The following PRC1 variants were observed in gnomAD, a reference collection of about 807,000 sequenced individuals.
PRC1 encodes anaphase spindle elongation 1 homolog.
PRC1 carries 54 observed loss-of-function variants against 91.2 expected under a neutral mutation model. The ratio of observed to expected loss-of-function variants is 0.59; its 90% confidence interval spans 0.48 to 0.74. The LOEUF (loss-of-function observed/expected upper bound fraction) is 0.74, where lower values mean the gene tolerates loss of function less well. PRC1 is among the 30% of genes least tolerant of loss of function. The probability of loss-of-function intolerance (pLI) is 0.00; values close to 1 mark genes in which losing one functional copy is unlikely to be tolerated. For synonymous variants in PRC1, 275 were observed against 263.6 expected, an observed-to-expected ratio of 1.04 and a Z score of -0.42; for missense variants, 727 against 746.2, an observed-to-expected ratio of 0.97 and a Z score of 0.30.
chr15:90,969,777 T>C (rs1287412055), intron 12 of PRC1, among the ~76,000 whole-genome samples, 154 bp from the exon 13 acceptor site: 2 of 47,538 alleles, frequency 4.2e-5, no homozygotes, highest in Admixed American at 3.8e-4. Flanking sequence ...TATATATATA[T>C]ATATATATAT....
intron 11 of PRC1, among the ~76,000 whole-genome samples, chr15:90,973,532 A>G (rs2038369573): frequency 6.6e-6 from 1 of 152,006 alleles, no homozygotes; most frequent in Non-Finnish European, 1.5e-5. Context: ...GTCTGTGCTC[A>G]GGAGGATTCG....
At position 90,980,857 on chromosome 15, in the gene PRC1, T is replaced by C. The variant is rs372796823; in HGVS notation, c.822+27A>G. The stretch of plus-strand genomic sequence containing the variant: ...CACAGAAGTGCTAAGAGAAGACTGC[T>C]GACCCAGTACCCACTGGGTTTCTTA... On this transcript the variant is annotated intron_variant, in intron 6 of 14. Coordinates refer to ENST00000394249, the MANE Select transcript of PRC1 (RefSeq NM_003981.4). 7.4e-6 allele frequency: 12 copies of C among 1,613,936 alleles called. No individual in the cohort carries two copies. The African/African-American group carries it at 1.6e-4, about 22-fold the overall frequency.
At chr15:90,973,938 C>G (rs560904751) in intron 11 of PRC1, 198 bp downstream of exon 11, 2 of 533,802 alleles carry the variant, frequency 3.7e-6, no homozygotes, top group East Asian at 6.5e-5. Flanking sequence ...GGTGCAGGTC[C>G]TCTGTATGCT....
chr15:90,971,905 G>A (rs113762358), intron 11 of PRC1, among the ~76,000 whole-genome samples: 3,901 of 152,222 alleles, frequency 0.026, 164 homozygotes, highest in African/African-American at 0.086. Context: ...GCGCGGGCCT[G>A]TAGTCCCAGC....
At chr15:90,981,451 C>A in intron 5 of PRC1, 48 bp downstream of exon 5, 1 of 1,598,094 alleles carries the variant, frequency 6.3e-7, no homozygotes, top group African/African-American at 1.3e-5. Context: ...TTTGTTCAAA[C>A]TGCTATATAC....
intron 1 of PRC1, among the ~76,000 whole-genome samples, chr15:90,989,600 C>G (rs537195864): frequency 6.7e-6 from 1 of 149,722 alleles, no homozygotes; most frequent in South Asian, 2.1e-4. Flanking sequence ...GGTATTTGCC[C>G]AAAAGAAATG....
intron 5 of PRC1, 144 bp from the exon 6 acceptor site, chr15:90,981,177 C>CA: frequency 9.0e-7 from 1 of 1,110,532 alleles, no homozygotes; most frequent in Non-Finnish European, 1.3e-6. Flanking sequence ...GCCTCCTAAA[C>CA]ACGAGCTGTA....
In PRC1 at chr15:90,979,760, A is replaced by G. The variant is rs190852637; in HGVS notation, c.971-466T>C. On this transcript the variant is annotated intron_variant, in intron 7 of 14. Coordinates refer to ENST00000394249, the MANE Select transcript of PRC1 (RefSeq NM_003981.4). ...CGTAGGCTCTGGCATTTACCATTAT[A>G]TGTCTCTGGGTTAAATGACTCAGCA... is the stretch of plus-strand genomic sequence containing the variant. Among the ~76,000 whole-genome samples the G allele has an allele frequency of 2.0e-5, 3 of 152,282 alleles. No individual in the cohort carries two copies. The highest frequency in any genetic ancestry group is 7.2e-5 in the African/African-American group (3 of 41,552).
rs1041391474 is a variant in PRC1 at position 90,980,816 on chromosome 15, C to T, written c.822+68G>A. 4.4e-6 allele frequency: 7 copies of T among 1,597,952 alleles called. No individual in the cohort carries two copies. The African/African-American group carries it at 6.7e-5, about 15-fold the overall frequency. ...CCACTGAGCCTGGCCAAATCAACAACAGTCTTTATGACTAACACAGAAGTG... is the reference window on the plus strand; with the variant it reads ...CCACTGAGCCTGGCCAAATCAACAATAGTCTTTATGACTAACACAGAAGTG... On this transcript the variant is annotated intron_variant, in intron 6 of 14. Coordinates refer to ENST00000394249, the MANE Select transcript of PRC1 (RefSeq NM_003981.4).
intron 1 of PRC1, among the ~76,000 whole-genome samples, chr15:90,994,092 G>A (rs1013763957): frequency 6.6e-6 from 1 of 152,096 alleles, no homozygotes; most frequent in African/African-American, 2.4e-5. Flanking sequence ...CGCCTGGGTG[G>A]AGGCCGCCCC....
At chr15:90,968,181 C>T in intron 14 of PRC1, 6 of 985,430 alleles carry the variant, frequency 6.1e-6, no homozygotes, top group Non-Finnish European at 6.0e-6. Flanking sequence ...TAAAATGGGC[C>T]TTGGTTGAAC....
chr15:90,994,326 T>A, intron 1 of PRC1, 81 bp downstream of exon 1: 2 of 1,601,258 alleles, frequency 1.2e-6, no homozygotes, highest in South Asian at 2.2e-5. Flanking sequence ...CCCGCACGGG[T>A]CCCGCACCCC....
chr15:90,979,037 CAG>C (rs1355720573), intron 8 of PRC1, 119 bp downstream of exon 8: 3 of 1,259,616 alleles, frequency 2.4e-6, no homozygotes, highest in Admixed American at 2.6e-5. Flanking sequence ...AGCAGAAATT[CAG>C]AGAGACTTAA....
At position 90,969,582 on chromosome 15, in the gene PRC1, A is replaced by G; in HGVS notation, c.1614T>C (p.Arg538=). The change falls in exon 13 of 15, where the codon CGT becomes CGC. Residue 538 remains arginine, a synonymous_variant. Coordinates refer to ENST00000394249, the MANE Select transcript of PRC1 (RefSeq NM_003981.4). ...CCTTGTTGGCTCCATGCCTGCCAGTACGGGGTGTTTTCTTCCCTGAACAGG... is the reference window on the plus strand; with the variant it reads ...CCTTGTTGGCTCCATGCCTGCCAGTGCGGGGTGTTTTCTTCCCTGAACAGG... ...ASTCSGKKTP[R]TGRHGANKEN... 2 of 1,613,166 alleles carry G rather than the reference A, an allele frequency of 1.2e-6. No individual in the cohort carries two copies. The highest frequency in any genetic ancestry group is 2.2e-5 in the East Asian group (1 of 44,868).
chr15:90,994,023 A>C (rs940354950), intron 1 of PRC1, among the ~76,000 whole-genome samples: 3 of 152,210 alleles, frequency 2.0e-5, no homozygotes, highest in Non-Finnish European at 2.9e-5. Context: ...ATCTGCGCCA[A>C]GCAGCGGCAC....
chr15:90,991,739 C>G (rs2039993400), intron 1 of PRC1, among the ~76,000 whole-genome samples: 1 of 152,108 alleles, frequency 6.6e-6, no homozygotes, highest in African/African-American at 2.4e-5. Context: ...CTACCACTAC[C>G]ACCCCCACCC....
At chr15:90,993,867 G>C (rs1349053147) in intron 1 of PRC1, among the ~76,000 whole-genome samples, 1 of 152,180 alleles carries the variant, frequency 6.6e-6, no homozygotes, top group East Asian at 1.9e-4. Flanking sequence ...AGGATTACTT[G>C]AAGCCAGGAG....
In PRC1 at chr15:90,988,369, C is replaced by G. The variant is rs1401265576; in HGVS notation, c.12-3544G>C. On this transcript the variant is annotated intron_variant, in intron 1 of 14. Coordinates refer to ENST00000394249, the MANE Select transcript of PRC1 (RefSeq NM_003981.4). ...AGTCTCCTCAGTCTGACAGACCTAC[C>G]CCTGCCCAGCCAATCTCCACATAAC... 2.0e-5 allele frequency: 3 copies of G among 152,320 alleles called. No homozygotes were observed. The Middle Eastern group carries it at 0.01, about 518-fold the overall frequency. 9.4% of individuals were successfully genotyped at this position (152,320 alleles called of 1,614,324 possible).
rs950319998 is a variant in PRC1 at position 90,984,415 on chromosome 15, G to C, written c.145-275C>G. ...GGCTAATTTTTTTATTTTTAGTAGA[G>C]ACGGAGGTTCACCATGTTGATCAGG... On this transcript the variant is annotated intron_variant, in intron 2 of 14. Transcript: ENST00000394249. This position sits in a 1 kb window ranked among gnomAD's most constrained non-coding sequence, Gnocchi z 5.1. 6.6e-6 allele frequency among the ~76,000 whole-genome samples: 1 copy of C among 152,066 alleles called. No individual in the cohort carries two copies. The highest frequency in any genetic ancestry group is 2.4e-5 in the African/African-American group (1 of 41,388).
Sources: allele counts gnomAD v4.1 joint callset (sites outside exome capture counted in the v4.1 genomes callset), GRCh38; gene constraint gnomAD v4.1.1; non-coding constraint Gnocchi (gnomAD v3.1); transcripts MANE v1.5; gene names NCBI Gene and HGNC (gene_info 2026-07-23, HGNC 2026-07-21).